The following MGAT4C variants were observed in gnomAD, a reference collection of about 807,000 sequenced individuals.
The protein encoded by MGAT4C is MGAT4 family member C.
A neutral mutation model predicts 40.1 loss-of-function variants in MGAT4C; 19 were observed. The observed-to-expected ratio is 0.47, with a 90% CI of 0.33 to 0.70. The LOEUF (loss-of-function observed/expected upper bound fraction) is 0.70, where lower values mean the gene tolerates loss of function less well. Among genes scored for constraint, MGAT4C ranks in the 30% least tolerant of loss-of-function variants. MGAT4C has a pLI of 0.02. For missense variants in MGAT4C, 491 were observed against 563.2 expected, an observed-to-expected ratio of 0.87 and a Z score of 1.30; for synonymous variants, 181 against 187.1, an observed-to-expected ratio of 0.97 and a Z score of 0.27.
intron 4 of MGAT4C, among the ~76,000 whole-genome samples, chr12:86,318,215 T>G (rs1460990836): frequency 2.0e-5 from 3 of 152,148 alleles, no homozygotes; most frequent in Non-Finnish European, 2.9e-5. Context: ...TATGAATTTT[T>G]TTGTCATTTT....
chr12:86,074,405 CCTGA>C (rs921860986), intron 1 of MGAT4C, among the ~76,000 whole-genome samples: 22 of 151,826 alleles, frequency 1.4e-4, no homozygotes, highest in African/African-American at 5.1e-4. Flanking sequence ...TCTAGAGAAC[CCTGA>C]CTAATACAAT....
chr12:86,092,579 C>T (rs1471712074), intron 1 of MGAT4C, among the ~76,000 whole-genome samples: 1 of 152,054 alleles, frequency 6.6e-6, no homozygotes, highest in African/African-American at 2.4e-5. Context: ...AAATTTAGTA[C>T]TTAGATTTAG....
intron 3 of MGAT4C, among the ~76,000 whole-genome samples, chr12:86,345,930 T>G (rs1164075901): frequency 6.6e-6 from 1 of 152,208 alleles, no homozygotes; most frequent in Non-Finnish European, 1.5e-5. Context: ...TTCCTGACTT[T>G]TTAATGATCG....
chr12:86,141,364 G>A (rs1279587512), intron 1 of MGAT4C, among the ~76,000 whole-genome samples: 1 of 152,070 alleles, frequency 6.6e-6, no homozygotes. Context: ...TAAATAAATA[G>A]CTGCTCAAAT....
intron 2 of MGAT4C, among the ~76,000 whole-genome samples, chr12:86,653,149 T>C (rs1325960248): frequency 6.6e-6 from 1 of 151,964 alleles, no homozygotes; most frequent in East Asian, 1.9e-4. Context: ...AATTTTGTCA[T>C]TTGCAATATA....
intron 2 of MGAT4C, among the ~76,000 whole-genome samples, chr12:86,006,087 T>C (rs1035547358): frequency 2.0e-5 from 3 of 152,132 alleles, no homozygotes; most frequent in Non-Finnish European, 4.4e-5. Context: ...GACTATGTGA[T>C]ATAAACATCA....
chr12:86,240,142 CTTTG>C (rs1566202668), intron 1 of MGAT4C, among the ~76,000 whole-genome samples: 2 of 150,946 alleles, frequency 1.3e-5, no homozygotes, highest in Middle Eastern at 3.2e-3. Context: ...ATCAAATGTG[CTTTG>C]TTTTTCATTT....
intron 2 of MGAT4C, among the ~76,000 whole-genome samples, chr12:86,616,392 A>G (rs995605956): frequency 3.9e-5 from 6 of 152,168 alleles, no homozygotes; most frequent in Non-Finnish European, 7.4e-5. Flanking sequence ...GCAATAGCAG[A>G]ATAAGCATAA....
chr12:86,454,427 A>G (rs966242320), intron 2 of MGAT4C, among the ~76,000 whole-genome samples: 1 of 151,992 alleles, frequency 6.6e-6, no homozygotes, highest in African/African-American at 2.4e-5. Context: ...GGGTTTTGCC[A>G]TGTTGCCCAG....
At chr12:86,045,785 CA>C (rs1236099321) in intron 2 of MGAT4C, among the ~76,000 whole-genome samples, 4 of 152,166 alleles carry the variant, frequency 2.6e-5, no homozygotes, top group Non-Finnish European at 5.9e-5. Context: ...ATATTCATAA[CA>C]TGCTTGGTGT....
At chr12:86,045,737 T>C (rs147898479) in intron 2 of MGAT4C, among the ~76,000 whole-genome samples, 1 of 152,314 alleles carries the variant, frequency 6.6e-6, no homozygotes, top group Non-Finnish European at 1.5e-5. Context: ...ATGTATTTTG[T>C]TTATTTCTTG....
chr12:86,563,684 G>C (rs191144713), intron 2 of MGAT4C, among the ~76,000 whole-genome samples: 78 of 152,256 alleles, frequency 5.1e-4, no homozygotes, highest in Middle Eastern at 6.8e-3. Flanking sequence ...TTGGGGATAG[G>C]GGAATGATCA....
chr12:86,746,402 A>C (rs1951153611), intron 1 of MGAT4C, among the ~76,000 whole-genome samples: 1 of 151,544 alleles, frequency 6.6e-6, no homozygotes, highest in African/African-American at 2.4e-5. Context: ...GGAGACCACA[A>C]GTATAATTTA....
intron 2 of MGAT4C, among the ~76,000 whole-genome samples, chr12:86,716,848 T>C (rs1950652164): frequency 6.6e-6 from 1 of 152,106 alleles, no homozygotes; most frequent in Non-Finnish European, 1.5e-5. Flanking sequence ...AGACTTCCAC[T>C]GTAAACAAAA....
At chr12:86,702,494 G>A (rs1327825713) in intron 2 of MGAT4C, among the ~76,000 whole-genome samples, 4 of 152,112 alleles carry the variant, frequency 2.6e-5, no homozygotes, top group South Asian at 4.1e-4. Context: ...TGCAGCTAAC[G>A]ATTTTAAGTT....
intron 3 of MGAT4C, among the ~76,000 whole-genome samples, chr12:85,985,304 C>G (rs1885086161): frequency 6.6e-6 from 1 of 152,226 alleles, no homozygotes; most frequent in East Asian, 1.9e-4. Flanking sequence ...TCTCGAGTGA[C>G]AATGAAAAAG....
At chr12:86,343,214 T>C (rs1309391996) in intron 3 of MGAT4C, among the ~76,000 whole-genome samples, 1 of 152,282 alleles carries the variant, frequency 6.6e-6, no homozygotes, top group Middle Eastern at 3.4e-3. Context: ...CATATACTGG[T>C]TGAGCATGTC....
chr12:86,194,825 G>T (rs1421200029), intron 1 of MGAT4C, among the ~76,000 whole-genome samples: 1 of 152,124 alleles, frequency 6.6e-6, no homozygotes, highest in Non-Finnish European at 1.5e-5. Flanking sequence ...TTCTGCCTTT[G>T]CAAATGGGCT....
intron 3 of MGAT4C, among the ~76,000 whole-genome samples, chr12:86,394,611 A>G (rs1253860731): frequency 8.7e-6 from 1 of 115,388 alleles, no homozygotes; most frequent in African/African-American, 2.7e-5. Context: ...TTATATATAT[A>G]TACTTTATAT....
Sources: gnomAD v4.1 joint callset for allele counts (sites outside exome capture counted in the v4.1 genomes callset) on GRCh38, gnomAD v4.1.1 for gene constraint, MANE v1.5 for transcripts, NCBI Gene and HGNC (gene_info 2026-07-23, HGNC 2026-07-21) for gene names.